Variants in SLC44A5 observed in about 807,000 individuals in gnomAD.
The protein encoded by SLC44A5 is solute carrier family 44 member 5.
Under a neutral mutation model 101.8 loss-of-function variants are expected in SLC44A5, and 57 were observed. The ratio of observed to expected loss-of-function variants is 0.56; its 90% CI spans 0.45 to 0.70. SLC44A5 has a LOEUF of 0.70. Among genes scored for constraint, SLC44A5 ranks in the 30% least tolerant of loss-of-function variants. The pLI is 0.00. For missense variants in SLC44A5, 737 were observed against 853.1 expected, an observed-to-expected ratio of 0.86 and a Z score of 1.70; for synonymous variants, 281 against 290.9, an observed-to-expected ratio of 0.97 and a Z score of 0.35.
chr1:75,566,820 T>C lies in SLC44A5; in HGVS notation c.-69-25304A>G, dbSNP rs1413749688. Among the ~76,000 whole-genome samples, 3 of 152,188 alleles carry C rather than the reference T, an allele frequency of 2.0e-5. No individual in the cohort carries two copies. The East Asian group carries it at 5.8e-4, about 29-fold the overall frequency. On this transcript the variant is annotated intron_variant, in intron 1 of 23. Coordinates refer to ENST00000370859, the MANE Select transcript of SLC44A5 (RefSeq NM_001130058.2). ...TATGTTTATTTAATATTGAAAACATTTGAAGCCCCTCACTTAATCTTAACA... is the reference window on the plus strand; with the variant it reads ...TATGTTTATTTAATATTGAAAACATCTGAAGCCCCTCACTTAATCTTAACA...
rs866888435 is a variant in SLC44A5, at chr1:75,513,469, A to C, written c.13+27966T>G. ...ATAATTGGATGGAATAAACTGCCCT[A>C]TAACATAAAAGCTTAAGAACAAAAC... On this transcript the variant is annotated intron_variant, in intron 2 of 23. Coordinates refer to ENST00000370859, the MANE Select transcript of SLC44A5 (RefSeq NM_001130058.2). Among the ~76,000 whole-genome samples, 11 of 152,256 alleles carry C rather than the reference A, an allele frequency of 7.2e-5. No homozygotes were observed. In the South Asian group the frequency reaches 2.1e-3, roughly 29 times the overall value.
chr1:75,297,271 A>T (rs112049410), intron 5 of SLC44A5, among the ~76,000 whole-genome samples: 2,916 of 152,242 alleles, frequency 0.019, 37 homozygotes, highest in Middle Eastern at 0.048. Context: ...AAAGAAAACA[A>T]ATTAAAATTA....
At chr1:75,221,927 TGGAA>T (rs973768312) in intron 14 of SLC44A5, among the ~76,000 whole-genome samples, 2 of 151,758 alleles carry the variant, frequency 1.3e-5, no homozygotes, top group Non-Finnish European at 2.9e-5. Context: ...TTTTCCTGAA[TGGAA>T]GATGCTTTCT....
At chr1:75,458,343 C>T (rs1666305150) in intron 2 of SLC44A5, among the ~76,000 whole-genome samples, 1 of 152,098 alleles carries the variant, frequency 6.6e-6, no homozygotes, top group Non-Finnish European at 1.5e-5. Context: ...AATGAGCTGA[C>T]TATTGAAGGG....
At chr1:75,311,304 A>T (rs755059430) in intron 4 of SLC44A5, among the ~76,000 whole-genome samples, 26 of 152,066 alleles carry the variant, frequency 1.7e-4, no homozygotes, top group Non-Finnish European at 3.2e-4. Context: ...TTTAGTAGAG[A>T]CGGGGTTTCA....
intron 2 of SLC44A5, among the ~76,000 whole-genome samples, chr1:75,471,013 C>T (rs747485673): frequency 1.3e-5 from 2 of 152,020 alleles, no homozygotes; most frequent in African/African-American, 2.4e-5. Flanking sequence ...AATGAAAAAG[C>T]TAACAAAACA....
At chr1:75,420,326 T>G (rs1165516032) in intron 2 of SLC44A5, among the ~76,000 whole-genome samples, 1 of 152,046 alleles carries the variant, frequency 6.6e-6, no homozygotes, top group Admixed American at 6.6e-5. Flanking sequence ...GTATAGCTAT[T>G]AAATTATTGG....
At chr1:75,575,626 A>AGAGTAG (rs1673316783) in intron 1 of SLC44A5, among the ~76,000 whole-genome samples, 1 of 152,216 alleles carries the variant, frequency 6.6e-6, no homozygotes, top group South Asian at 2.1e-4. Context: ...CAAGTTATTT[A>AGAGTAG]GAGTAGTCCA....
intron 3 of SLC44A5, among the ~76,000 whole-genome samples, chr1:75,379,173 G>C (rs1660805192): frequency 1.4e-5 from 1 of 72,638 alleles, no homozygotes; most frequent in Non-Finnish European, 2.2e-5. Context: ...AAACAGTATG[G>C]ACCCAACTCT....
intron 2 of SLC44A5, among the ~76,000 whole-genome samples, chr1:75,450,102 C>T (rs1418958570): frequency 6.6e-6 from 1 of 151,980 alleles, no homozygotes; most frequent in Admixed American, 6.6e-5. Context: ...TGTAGGACAC[C>T]CCAGATCCCA....
In SLC44A5 at chr1:75,441,196, A is replaced by G. The variant is rs550796074; in HGVS notation, c.14-44575T>C. 9.9e-5 allele frequency among the ~76,000 whole-genome samples: 15 copies of G among 152,280 alleles called. No individual in the cohort carries two copies. The East Asian group carries it at 2.7e-3, about 27-fold the overall frequency. ...AATAGTGCATGACTTTCAAACCAGT[A>G]GAGCAATGTTTCTCAAGGGAAGTGT... On this transcript the variant is annotated intron_variant, in intron 2 of 23. Coordinates refer to ENST00000370859, the MANE Select transcript of SLC44A5 (RefSeq NM_001130058.2).
chr1:75,250,176 C>T (rs1649442190), intron 7 of SLC44A5, among the ~76,000 whole-genome samples: 1 of 152,074 alleles, frequency 6.6e-6, no homozygotes, highest in Admixed American at 6.6e-5. Context: ...TGATAGGCCC[C>T]CATGCCTGTT....
chr1:75,664,853 T>G, the SLC44A5 span, among the ~76,000 whole-genome samples: 1 of 149,096 alleles, frequency 6.7e-6, no homozygotes, highest in African/African-American at 2.5e-5. Flanking sequence ...CCTGGGAGGC[T>G]GAGCTTGCAG....
At chr1:75,352,449 A>T (rs1439098502) in intron 3 of SLC44A5, among the ~76,000 whole-genome samples, 26 of 147,874 alleles carry the variant, frequency 1.8e-4, no homozygotes, top group Admixed American at 1.6e-3. Flanking sequence ...TTTTTTTTTT[A>T]AAGACAAAAC....
At chr1:75,218,060 AT>A in intron 17 of SLC44A5, 100 bp from the exon 18 acceptor site, 1 of 779,128 alleles carries the variant, frequency 1.3e-6, no homozygotes, top group Non-Finnish European at 2.1e-6. Flanking sequence ...CTGCAGAAGG[AT>A]TAACAGCAAA....
intron 3 of SLC44A5, among the ~76,000 whole-genome samples, chr1:75,394,602 C>T (rs987021428): frequency 3.3e-5 from 5 of 152,178 alleles, no homozygotes; most frequent in Admixed American, 6.5e-5. Context: ...GGAAGTGAAA[C>T]GAGCCACTGG....
chr1:75,670,596 A>G, the SLC44A5 span, among the ~76,000 whole-genome samples: 100 of 152,326 alleles, frequency 6.6e-4, 1 homozygote, highest in African/African-American at 2.2e-3. Context: ...TTTAAAATAG[A>G]CTGTCCCAAC....
At chr1:75,357,347 C>G (rs1659158799) in intron 3 of SLC44A5, 1 of 357,548 alleles carries the variant, frequency 2.8e-6, no homozygotes, top group African/African-American at 2.2e-5. Context: ...GTGTCCTGAC[C>G]AAAAACTTCC....
intron 2 of SLC44A5, among the ~76,000 whole-genome samples, chr1:75,452,654 C>T (rs965548367): frequency 1.3e-5 from 2 of 152,026 alleles, no homozygotes; most frequent in African/African-American, 2.4e-5. Context: ...TTCAAGAGAC[C>T]TATCTCACTT....
Sources: gnomAD v4.1 joint callset for allele counts (sites outside exome capture counted in the v4.1 genomes callset) on GRCh38, gnomAD v4.1.1 for gene constraint, MANE v1.5 for transcripts, NCBI Gene and HGNC (gene_info 2026-07-23, HGNC 2026-07-21) for gene names.